The following ABLIM3 variants were observed in gnomAD, a reference collection of about 807,000 sequenced individuals.
The protein encoded by ABLIM3 is actin-binding LIM protein 3.
A neutral mutation model predicts 109.5 loss-of-function variants in ABLIM3; 61 were observed. That is an observed-to-expected ratio of 0.56 (90% CI 0.45 to 0.69). ABLIM3 has a LOEUF of 0.69. ABLIM3 is among the 30% of genes least tolerant of loss of function. The probability of loss-of-function intolerance (pLI) is 0.00; values close to 1 mark genes in which losing one functional copy is unlikely to be tolerated. For synonymous variants in ABLIM3, 300 were observed against 324.8 expected, an observed-to-expected ratio of 0.92 and a Z score of 0.82; for missense variants, 796 against 889.5, an observed-to-expected ratio of 0.89 and a Z score of 1.34.
intron 2 of ABLIM3, among the ~76,000 whole-genome samples, chr5:149,147,822 C>T (rs955789023): frequency 1.3e-5 from 2 of 152,090 alleles, no homozygotes; most frequent in Non-Finnish European, 2.9e-5. Flanking sequence ...AATGATGAGG[C>T]ATACCTCAGC....
At position 149,207,501 on chromosome 5, in the gene ABLIM3, G is replaced by A. The variant is rs183061612; in HGVS notation, c.575+367G>A. ...CATTGGTAATTACATATTTATCCCT[G>A]GTAACTTTGTAATAATGCTAATAAT... On this transcript the variant is annotated intron_variant, in intron 6 of 23. Transcript: ENST00000309868. Among the ~76,000 whole-genome samples the A allele has an allele frequency of 3.0e-3, 453 of 152,140 alleles. 2 individuals carry two copies. The highest frequency in any genetic ancestry group is 0.017 in the Middle Eastern group (5 of 292).
intron 7 of ABLIM3, among the ~76,000 whole-genome samples, chr5:149,211,729 G>A (rs1420277397): frequency 1.3e-5 from 2 of 151,982 alleles, no homozygotes; most frequent in Non-Finnish European, 2.9e-5. Context: ...AGACTCAGCA[G>A]GAGGGGATGT....
chr5:149,255,644 G>T (rs1258185104), intron 23 of ABLIM3, among the ~76,000 whole-genome samples: 3 of 152,280 alleles, frequency 2.0e-5, no homozygotes, highest in African/African-American at 4.8e-5. Context: ...TAAGAAGGAA[G>T]AACTTTCTGG....
intron 8 of ABLIM3, among the ~76,000 whole-genome samples, chr5:149,225,939 ATG>A (rs1241918480): frequency 2.1e-5 from 3 of 141,844 alleles, no homozygotes; most frequent in African/African-American, 8.1e-5. Context: ...ATATATATAT[ATG>A]TATGTATGTA....
intron 2 of ABLIM3, among the ~76,000 whole-genome samples, chr5:149,154,604 C>T (rs936801173): frequency 1.3e-5 from 2 of 152,206 alleles, no homozygotes; most frequent in Non-Finnish European, 2.9e-5. Context: ...CTTACATGGG[C>T]CTTCCTTGAA....
At chr5:149,148,273 T>C (rs1465508099) in intron 2 of ABLIM3, among the ~76,000 whole-genome samples, 2 of 152,096 alleles carry the variant, frequency 1.3e-5, no homozygotes, top group African/African-American at 4.8e-5. Context: ...AGTGAGGTGG[T>C]GGGCAGACCT....
At chr5:149,161,215 T>C (rs1007686782) in intron 2 of ABLIM3, among the ~76,000 whole-genome samples, 2 of 152,256 alleles carry the variant, frequency 1.3e-5, no homozygotes, top group African/African-American at 4.8e-5. Flanking sequence ...AAGTGTTTGC[T>C]GACCTGGATT....
intron 18 of ABLIM3, 133 bp from the exon 19 acceptor site, chr5:149,249,682 C>T: frequency 2.1e-6 from 2 of 935,996 alleles, no homozygotes; most frequent in Non-Finnish European, 3.4e-6. Flanking sequence ...TCAGGAGGGG[C>T]TGCAGGAGGC....
At position 149,259,320 on chromosome 5, in the gene ABLIM3, A is replaced by G. The variant is rs1581265899; in HGVS notation, c.*916A>G. The G allele has an allele frequency of 2.1e-6, 3 of 1,419,172 alleles. No individual in the cohort carries two copies. The highest frequency in any genetic ancestry group is 5.1e-5 in the East Asian group (2 of 39,116). 87.9% of individuals were successfully genotyped at this position (1,419,172 alleles called of 1,614,324 possible). ...GCAGCTTGTATTCTTTAGCCTTATTACAATCTATGTGCCTGACAACTCAAC... is the reference window on the plus strand; with the variant it reads ...GCAGCTTGTATTCTTTAGCCTTATTGCAATCTATGTGCCTGACAACTCAAC... On this transcript the variant is annotated 3_prime_UTR_variant, in exon 24 of 24. Transcript: ENST00000309868.
At chr5:149,141,929 C>T in intron 1 of ABLIM3, 80 bp from the exon 2 acceptor site, 2 of 1,008,246 alleles carry the variant, frequency 2.0e-6, no homozygotes, top group East Asian at 2.4e-5. Flanking sequence ...GGCTACAGCC[C>T]AGACAGAGAG....
chr5:149,144,902 A>G (rs1752780582), intron 2 of ABLIM3, among the ~76,000 whole-genome samples: 1 of 152,270 alleles, frequency 6.6e-6, no homozygotes, highest in Admixed American at 6.5e-5. Flanking sequence ...TAAGTCCTGC[A>G]GTCAGCCCTG....
chr5:149,206,948 A>G lies in ABLIM3; in HGVS notation c.449-60A>G, dbSNP rs899917080. 9.5e-6 allele frequency: 15 copies of G among 1,573,670 alleles called. No homozygotes were observed. In the Admixed American group the frequency reaches 2.3e-4, roughly 24 times the overall value. ...GAGGGGTTTCCTTGACGTGGGCCTG[A>G]GATAGCGGGGGTTAAAGGGCCCAGG... is the stretch of plus-strand genomic sequence containing the variant. On this transcript the variant is annotated intron_variant, in intron 5 of 23. Coordinates refer to ENST00000309868, the MANE Select transcript of ABLIM3 (RefSeq NM_014945.5).
At chr5:149,226,442 C>A (rs1214719041) in intron 8 of ABLIM3, among the ~76,000 whole-genome samples, 9 of 152,034 alleles carry the variant, frequency 5.9e-5, no homozygotes, top group Non-Finnish European at 1.2e-4. Context: ...CTAGATCACA[C>A]CACTCCCCTC....
chr5:149,248,074 G>A (rs557007925), intron 18 of ABLIM3, 145 bp downstream of exon 18: 424 of 1,064,686 alleles, frequency 4.0e-4, no homozygotes, highest in Non-Finnish European at 5.1e-4. Context: ...GCCCTGTGGT[G>A]GGTGACTTGC....
At chr5:149,199,401 C>T (rs893355520) in intron 4 of ABLIM3, among the ~76,000 whole-genome samples, 1 of 152,006 alleles carries the variant, frequency 6.6e-6, no homozygotes, top group Non-Finnish European at 1.5e-5. Context: ...AAACATAATC[C>T]CCTCGTGGAA....
rs1369912172 is a variant in ABLIM3, at chr5:149,233,163, G to A, written c.817-66G>A. 6.3e-6 allele frequency: 9 copies of A among 1,438,396 alleles called. No individual in the cohort carries two copies. The African/African-American group carries it at 8.4e-5, about 13-fold the overall frequency. The allele number at this position is 1,438,396 out of a possible 1,614,324, so 89.1% of individuals were successfully genotyped here. ...GCTAATGTTGCATTCTTAACCCCCT[G>A]TCTCACCCTCCCCACCAAGCTCAGG... On this transcript the variant is annotated intron_variant, in intron 9 of 23. Transcript: ENST00000309868.
rs74507928 is a variant in ABLIM3, at chr5:149,251,211, G to A, written c.1789-148G>A. The A allele has an allele frequency of 7.7e-3, 5,719 of 739,616 alleles. 194 individuals are homozygous for A. In the African/African-American group the frequency reaches 0.081, roughly 10 times the overall value. 45.8% of individuals were successfully genotyped at this position (739,616 alleles called of 1,614,324 possible). A position where few individuals can be genotyped will look rare whatever the true frequency, so the allele number is the denominator to read the frequency against. ...GGACAAAGCACAGGGATATAGCAGC[G>A]AGTTAAGTTTCCCTAACTTGAGACA... On this transcript the variant is annotated intron_variant, in intron 20 of 23. Coordinates refer to ENST00000309868, the MANE Select transcript of ABLIM3 (RefSeq NM_014945.5).
At chr5:149,225,554 G>C (rs1008396066) in intron 8 of ABLIM3, among the ~76,000 whole-genome samples, 1 of 152,154 alleles carries the variant, frequency 6.6e-6, no homozygotes, top group Admixed American at 6.5e-5. Flanking sequence ...TGTGGATGAA[G>C]ATTTTTTAAA....
In ABLIM3 at chr5:149,165,580, A is replaced by G. The variant is rs1754749546; in HGVS notation, c.14-17872A>G. Among the ~76,000 whole-genome samples the G allele has an allele frequency of 2.6e-5, 4 of 152,348 alleles. No individual in the cohort carries two copies. In the South Asian group the frequency reaches 8.3e-4, roughly 32 times the overall value. On this transcript the variant is annotated intron_variant, in intron 2 of 23. Coordinates refer to ENST00000309868, the MANE Select transcript of ABLIM3 (RefSeq NM_014945.5). ...AATCTATTGGCTCCTAAGCCTTTGA[A>G]GTCAAAAGAAGATCTCCCTGAAGTA...
Sources: allele counts gnomAD v4.1 joint callset (sites outside exome capture counted in the v4.1 genomes callset), GRCh38; gene constraint gnomAD v4.1.1; transcripts MANE v1.5; gene names NCBI Gene and HGNC (gene_info 2026-07-23, HGNC 2026-07-21).